Variants in TENM3 observed in about 807,000 individuals in gnomAD.
TENM3 encodes the protein teneurin transmembrane protein 3.
A neutral mutation model predicts 255.1 loss-of-function variants in TENM3; 63 were observed. The observed-to-expected ratio is 0.25, with a 90% CI of 0.20 to 0.30. TENM3 has a LOEUF of 0.30. Among genes scored for constraint, TENM3 ranks in the 10% least tolerant of loss-of-function variants. The pLI is 1.00. For missense variants in TENM3, 2,929 were observed against 3,461.1 expected, an observed-to-expected ratio of 0.85 and a Z score of 3.86; for synonymous variants, 1,306 against 1,322.3, an observed-to-expected ratio of 0.99 and a Z score of 0.27.
At chr4:182,727,029 A>G (rs949306957) in intron 13 of TENM3, among the ~76,000 whole-genome samples, 5 of 152,244 alleles carry the variant, frequency 3.3e-5, no homozygotes, top group Non-Finnish European at 7.3e-5. Context: ...CACAGTGGTC[A>G]GACCCAGACT....
chr4:182,477,316 C>T (rs75995415), intron 3 of TENM3, among the ~76,000 whole-genome samples: 2,526 of 152,176 alleles, frequency 0.017, 96 homozygotes, highest in African/African-American at 0.058. Flanking sequence ...GAGTTTTACC[C>T]GGAAGGAAGT....
At chr4:182,120,458 TTGTGTATATACACACG>T in the TENM3 span, among the ~76,000 whole-genome samples, 1 of 152,330 alleles carries the variant, frequency 6.6e-6, no homozygotes, top group Admixed American at 6.5e-5. Flanking sequence ...TATATGTGTG[TTGTGTATATACACACG>T]TGTGTGTATA....
At chr4:182,311,117 C>T (rs17073038) in intron 1 of TENM3, among the ~76,000 whole-genome samples, 11,515 of 152,234 alleles carry the variant, frequency 0.076, 509 homozygotes, top group East Asian at 0.13. Flanking sequence ...ATTGTGAGCA[C>T]GTCTCCCTCT....
chr4:182,128,795 T>C, the TENM3 span, among the ~76,000 whole-genome samples: 1 of 152,342 alleles, frequency 6.6e-6, no homozygotes, highest in Admixed American at 6.5e-5. Flanking sequence ...ACTGGCACTG[T>C]ATTAAACCCT....
At chr4:181,810,287 G>T in the TENM3 span, among the ~76,000 whole-genome samples, 2 of 152,114 alleles carry the variant, frequency 1.3e-5, no homozygotes, top group South Asian at 4.1e-4. Flanking sequence ...CAGCCATGAA[G>T]TGGGAAGAAC....
At chr4:181,833,192 G>C in the TENM3 span, among the ~76,000 whole-genome samples, 1 of 152,142 alleles carries the variant, frequency 6.6e-6, no homozygotes, top group South Asian at 2.1e-4. Flanking sequence ...AATTCCAGGA[G>C]AGGCTATCAG....
chr4:182,178,160 C>T (rs553045662), intron 1 of TENM3, among the ~76,000 whole-genome samples: 145 of 152,110 alleles, frequency 9.5e-4, no homozygotes, highest in African/African-American at 3.4e-3. Flanking sequence ...AATACGTGAT[C>T]GAATTGCCCA....
the TENM3 span, among the ~76,000 whole-genome samples, chr4:181,511,904 G>C: frequency 6.6e-6 from 1 of 152,080 alleles, no homozygotes; most frequent in South Asian, 2.1e-4. Context: ...AGAGCTGCAT[G>C]GACTTGTACT....
At chr4:182,333,871 A>G (rs1016834817) in intron 2 of TENM3, among the ~76,000 whole-genome samples, 1 of 152,206 alleles carries the variant, frequency 6.6e-6, no homozygotes, top group Non-Finnish European at 1.5e-5. Flanking sequence ...ATTTGGATGA[A>G]TACAAAATAA....
the TENM3 span, among the ~76,000 whole-genome samples, chr4:182,058,758 G>A: frequency 1.3e-5 from 2 of 151,920 alleles, no homozygotes; most frequent in African/African-American, 2.4e-5. Flanking sequence ...AATTATTTAA[G>A]GTTCTTAATC....
intron 22 of TENM3, among the ~76,000 whole-genome samples, chr4:182,757,407 A>T (rs560767629): frequency 1.3e-3 from 192 of 152,026 alleles, no homozygotes; most frequent in Non-Finnish European, 2.4e-3. Context: ...ACATAGAGAA[A>T]TAAGTTTTTA....
At chr4:182,208,108 A>G (rs1474334312) in intron 1 of TENM3, among the ~76,000 whole-genome samples, 1 of 152,238 alleles carries the variant, frequency 6.6e-6, no homozygotes, top group African/African-American at 2.4e-5. Context: ...CTGCTTAAGC[A>G]CAGAGTTAAT....
the TENM3 span, among the ~76,000 whole-genome samples, chr4:181,920,014 G>A: frequency 6.6e-6 from 1 of 151,240 alleles, no homozygotes; most frequent in African/African-American, 2.4e-5. Flanking sequence ...ATAGTTTACT[G>A]AGAATGATGA....
chr4:182,746,541 G>T (rs1762025170), intron 19 of TENM3, among the ~76,000 whole-genome samples: 2 of 152,128 alleles, frequency 1.3e-5, no homozygotes, highest in African/African-American at 4.8e-5. Context: ...ATTGCTTGGG[G>T]CCTTGAGGGC....
the TENM3 span, among the ~76,000 whole-genome samples, chr4:181,837,684 G>A: frequency 6.6e-6 from 1 of 152,156 alleles, no homozygotes; most frequent in Non-Finnish European, 1.5e-5. Flanking sequence ...TCATCGCATA[G>A]GAGCAGATGA....
At chr4:182,454,460 T>C (rs889998918) in intron 3 of TENM3, among the ~76,000 whole-genome samples, 1 of 152,170 alleles carries the variant, frequency 6.6e-6, no homozygotes, top group Non-Finnish European at 1.5e-5. Flanking sequence ...GGTCTTTTAA[T>C]GATGATGATT....
intron 3 of TENM3, among the ~76,000 whole-genome samples, chr4:182,522,415 C>G (rs550968186): frequency 1.3e-5 from 2 of 152,136 alleles, no homozygotes; most frequent in African/African-American, 4.8e-5. Flanking sequence ...CTCAGTCCCA[C>G]GTATGAATGA....
At chr4:182,158,409 CTGTGAA>C (rs1561147932) in intron 1 of TENM3, among the ~76,000 whole-genome samples, 2 of 152,116 alleles carry the variant, frequency 1.3e-5, no homozygotes, top group African/African-American at 2.4e-5. Flanking sequence ...ATTTGGGAGA[CTGTGAA>C]TGAGCAGTAG....
At chr4:182,353,921 T>C (rs4079080) in intron 3 of TENM3, among the ~76,000 whole-genome samples, 151,261 of 151,762 alleles carry the variant, frequency 1, 75,381 homozygotes, top group Middle Eastern at 1. Context: ...GCCGAGATCG[T>C]GCCACTGCAC....
Sources: allele counts gnomAD v4.1 joint callset (sites outside exome capture counted in the v4.1 genomes callset), GRCh38; gene constraint gnomAD v4.1.1; transcripts MANE v1.5; gene names NCBI Gene and HGNC (gene_info 2026-07-23, HGNC 2026-07-21).